CSMD1: variants seen among roughly 807,000 people sequenced by gnomAD.
CSMD1 encodes CUB and Sushi multiple domains 1.
A neutral mutation model predicts 417.5 loss-of-function variants in CSMD1; 213 were observed. That is an observed-to-expected ratio of 0.51 (90% CI 0.46 to 0.57). CSMD1 has a LOEUF of 0.57. CSMD1 is among the 20% of genes least tolerant of loss of function. The pLI, the probability that CSMD1 is intolerant of heterozygous loss-of-function variation, is 0.00. For missense variants in CSMD1, 6,923 were observed against 4,529.7 expected (o/e 1.53, Z -15.17); for synonymous variants, 2,862 against 1,736.8 (o/e 1.65, Z -16.11).
chr8:3,829,925 C>A (rs7840858), intron 5 of CSMD1, among the ~76,000 whole-genome samples: 3,842 of 151,918 alleles, frequency 0.025, 169 homozygotes, highest in African/African-American at 0.089. Flanking sequence ...AGGCTTTTCT[C>A]CTTTGAAAAA....
intron 5 of CSMD1, among the ~76,000 whole-genome samples, chr8:3,995,049 G>T (rs75561421): frequency 6.6e-6 from 1 of 152,092 alleles, no homozygotes; most frequent in Non-Finnish European, 1.5e-5. Flanking sequence ...TGCAATTCGG[G>T]AATGGGGAAA....
intron 27 of CSMD1, among the ~76,000 whole-genome samples, chr8:3,226,934 A>G (rs1317154202): frequency 6.6e-6 from 1 of 151,386 alleles, no homozygotes; most frequent in Non-Finnish European, 1.5e-5. Flanking sequence ...CAATAAGCAT[A>G]TGAAAAAAAA....
intron 25 of CSMD1, among the ~76,000 whole-genome samples, chr8:3,289,753 T>A (rs1163144801): frequency 4.1e-5 from 6 of 147,172 alleles, no homozygotes; most frequent in South Asian, 2.1e-4. Flanking sequence ...GAGGTTGCAA[T>A]AATTTTCTCC....
At chr8:3,859,563 C>A (rs552743345) in intron 5 of CSMD1, among the ~76,000 whole-genome samples, 15 of 152,258 alleles carry the variant, frequency 9.9e-5, no homozygotes, top group African/African-American at 3.4e-4. Context: ...ATCTAACAAT[C>A]TTAGTGCGAA....
intron 3 of CSMD1, among the ~76,000 whole-genome samples, chr8:4,285,904 T>G (rs992631131): frequency 5.3e-5 from 8 of 152,160 alleles, no homozygotes; most frequent in Admixed American, 5.2e-4. Flanking sequence ...ACTGAAGTAT[T>G]TTAAATACCA....
intron 25 of CSMD1, among the ~76,000 whole-genome samples, chr8:3,291,820 A>G (rs566807154): frequency 2.0e-5 from 3 of 151,882 alleles, no homozygotes; most frequent in African/African-American, 2.4e-5. Flanking sequence ...TTGCGTCTCT[A>G]TTTCCTTCAG....
chr8:3,843,741 G>T (rs922854629), intron 5 of CSMD1, among the ~76,000 whole-genome samples: 2 of 152,106 alleles, frequency 1.3e-5, no homozygotes, highest in Non-Finnish European at 2.9e-5. Context: ...GCTGGTCTTC[G>T]GGAAATGTTT....
chr8:4,531,820 C>T (rs1267879762), intron 2 of CSMD1, among the ~76,000 whole-genome samples: 1 of 152,190 alleles, frequency 6.6e-6, no homozygotes, highest in Non-Finnish European at 1.5e-5. Flanking sequence ...AATCCCTTTT[C>T]AGAAACTTTT....
At chr8:3,517,502 A>C (rs980983008) in intron 10 of CSMD1, among the ~76,000 whole-genome samples, 3 of 152,222 alleles carry the variant, frequency 2.0e-5, no homozygotes, top group African/African-American at 7.2e-5. Flanking sequence ...AAAAATACTT[A>C]GAAAATGTCA....
At chr8:4,391,032 C>A (rs898893780) in intron 3 of CSMD1, among the ~76,000 whole-genome samples, 2 of 152,176 alleles carry the variant, frequency 1.3e-5, no homozygotes, top group Non-Finnish European at 2.9e-5. Context: ...TAAGAATCAT[C>A]TGGGATCCTG....
chr8:3,805,753 T>G (rs1800697783), intron 5 of CSMD1, among the ~76,000 whole-genome samples: 1 of 152,180 alleles, frequency 6.6e-6, no homozygotes, highest in South Asian at 2.1e-4. Context: ...TGTGATACTC[T>G]TTGAGTCCGT....
At chr8:3,419,347 T>C (rs764462290) in intron 12 of CSMD1, among the ~76,000 whole-genome samples, 24 of 152,136 alleles carry the variant, frequency 1.6e-4, no homozygotes, top group Non-Finnish European at 3.2e-4. Context: ...AAATGAATAA[T>C]TGAAAATGAA....
intron 2 of CSMD1, among the ~76,000 whole-genome samples, chr8:4,518,600 A>C (rs1803251006): frequency 7.6e-6 from 1 of 132,346 alleles, no homozygotes; most frequent in Non-Finnish European, 1.6e-5. Context: ...GGAACATCAC[A>C]CACCGGGGAC....
intron 10 of CSMD1, among the ~76,000 whole-genome samples, chr8:3,519,681 C>T (rs886625983): frequency 1.3e-5 from 2 of 152,112 alleles, no homozygotes; most frequent in Non-Finnish European, 2.9e-5. Context: ...GCCATGGCTG[C>T]TTCATTAATT....
At chr8:3,218,749 G>T (rs1314375627) in intron 29 of CSMD1, among the ~76,000 whole-genome samples, 1 of 151,746 alleles carries the variant, frequency 6.6e-6, no homozygotes, top group Non-Finnish European at 1.5e-5. Context: ...GCATGCTCCT[G>T]TAATTCCAGC....
intron 7 of CSMD1, among the ~76,000 whole-genome samples, chr8:3,682,386 T>C (rs914813889): frequency 1.3e-5 from 2 of 152,164 alleles, no homozygotes; most frequent in Admixed American, 1.3e-4. Context: ...GTGAAGGACA[T>C]GAACAGACAC....
intron 3 of CSMD1, among the ~76,000 whole-genome samples, chr8:4,345,738 A>G (rs1800741864): frequency 6.6e-6 from 1 of 152,072 alleles, no homozygotes; most frequent in African/African-American, 2.4e-5. Flanking sequence ...GAAAATGCAA[A>G]TCAGAACTAT....
At chr8:4,379,770 C>G (rs1390775481) in intron 3 of CSMD1, among the ~76,000 whole-genome samples, 2 of 152,146 alleles carry the variant, frequency 1.3e-5, no homozygotes, top group African/African-American at 4.8e-5. Flanking sequence ...ATGGCCCACA[C>G]TTTAGGTCCA....
rs535419878 is a variant in CSMD1 at position 3,347,150 on chromosome 8, G to A, written c.3474+842C>T. Among the ~76,000 whole-genome samples, 9 of 152,380 alleles carry A rather than the reference G, an allele frequency of 5.9e-5. 1 individual carries two copies. The South Asian group carries it at 1.9e-3, about 32-fold the overall frequency. ...TTTGTGTTGGGCCACAGTCAAAGCT[G>A]TGCTGGGCCGCATGTGGCCTGTGGG... On this transcript the variant is annotated intron_variant, in intron 22 of 69. Coordinates refer to ENST00000635120, the MANE Select transcript of CSMD1 (RefSeq NM_033225.6).
Sources: allele counts gnomAD v4.1 joint callset (sites outside exome capture counted in the v4.1 genomes callset), GRCh38; gene constraint gnomAD v4.1.1; transcripts MANE v1.5; gene names NCBI Gene and HGNC (gene_info 2026-07-23, HGNC 2026-07-21).